RNF17: variants seen among roughly 807,000 people sequenced by gnomAD.
RNF17 encodes ring finger protein 17, also known as spermatogenesis associated 23.
Under a neutral mutation model 200.5 loss-of-function variants are expected in RNF17, and 31 were observed. The observed-to-expected ratio is 0.15, with a 90% CI of 0.12 to 0.21. The LOEUF is 0.21. Ranked by LOEUF, RNF17 falls within the 10% of genes least tolerant of loss-of-function variation. RNF17 has a pLI of 1.00. For synonymous variants in RNF17, 606 were observed against 637.8 expected, an observed-to-expected ratio of 0.95 and a Z score of 0.75; for missense variants, 1,628 against 1,905.1, an observed-to-expected ratio of 0.85 and a Z score of 2.71.
chr13:24,766,025 C>T (rs1033633474), intron 1 of RNF17, among the ~76,000 whole-genome samples: 8 of 152,144 alleles, frequency 5.3e-5, no homozygotes, highest in African/African-American at 2.4e-5. Flanking sequence ...GTCGGGAGAT[C>T]AAGACCAGCC....
chr13:24,811,114 T>C (rs1222763782), intron 15 of RNF17, among the ~76,000 whole-genome samples: 1 of 151,464 alleles, frequency 6.6e-6, no homozygotes, highest in Non-Finnish European at 1.5e-5. Context: ...CTGACAATTA[T>C]GTGTCTTGGA....
chr13:24,804,551 A>G (rs1195785165), intron 15 of RNF17, 122 bp downstream of exon 15: 2 of 651,536 alleles, frequency 3.1e-6, no homozygotes, highest in African/African-American at 1.9e-5. Flanking sequence ...TTAACCTTCT[A>G]TACGTTTAAA....
At chr13:24,887,661 A>G in the RNF17 span, among the ~76,000 whole-genome samples, 88 of 146,716 alleles carry the variant, frequency 6.0e-4, no homozygotes, top group African/African-American at 2.1e-3. Context: ...TTCATTATAC[A>G]TTACAATGTA....
At chr13:24,768,525 C>T (rs376512292) in intron 2 of RNF17, among the ~76,000 whole-genome samples, 3 of 152,124 alleles carry the variant, frequency 2.0e-5, no homozygotes, top group African/African-American at 7.2e-5. Flanking sequence ...ACCTCGTGAT[C>T]CGCCCACCTC....
At chr13:24,883,066 A>G, downstream of RNF17, 1 of 975,342 alleles carries the variant, frequency 1.0e-6, no homozygotes, top group South Asian at 1.3e-5. Context: ...TTATTTTAGA[A>G]TCTAATCTTT....
downstream of RNF17, chr13:24,883,849 C>T (rs1808123661): frequency 1.8e-6 from 2 of 1,134,806 alleles, no homozygotes; most frequent in Admixed American, 1.7e-5. Context: ...TCAAACTGAA[C>T]CCCCTAATAT....
Position 24,870,620 on chromosome 13 carries a change from A to T in RNF17, c.4328A>T (p.His1443Leu), listed in dbSNP as rs1351880064. 10 of 1,614,032 alleles carry T rather than the reference A, an allele frequency of 6.2e-6. No homozygotes were observed. Among genetic ancestry groups the T allele is most frequent in the Non-Finnish European group, 8.5e-6 (10 of 1,179,980 alleles). ...SIETSNQSNQ[H>L]SDTDDSGVSG... ...GAAACTTCTAACCAGTCTAACCAGC[A>T]TAGTGACACAGATGATAGTGGAGTC... The change falls in exon 32 of 36, where the codon CAT (histidine) becomes CTT (leucine). Residue 1443 changes from histidine (H) to leucine (L), a missense_variant. Transcript: ENST00000255324.
chr13:24,886,516 G>C, the RNF17 span: 3 of 465,756 alleles, frequency 6.4e-6, no homozygotes, highest in Admixed American at 2.4e-5. Flanking sequence ...AGAGGGATCA[G>C]TCTAGGGACT....
intron 14 of RNF17, among the ~76,000 whole-genome samples, chr13:24,803,174 A>G (rs1885460059): frequency 6.6e-6 from 1 of 152,206 alleles, no homozygotes; most frequent in Admixed American, 6.5e-5. Flanking sequence ...GGATTTCAAT[A>G]ATTATAGTTT....
At chr13:24,787,221 A>G (rs1379498497) in intron 6 of RNF17, among the ~76,000 whole-genome samples, 2 of 151,714 alleles carry the variant, frequency 1.3e-5, no homozygotes, top group Admixed American at 6.6e-5. Context: ...CCCCTAGATC[A>G]TTTTTCTGAT....
chr13:24,827,945 G>C (rs1208937776), intron 16 of RNF17, among the ~76,000 whole-genome samples: 11 of 151,964 alleles, frequency 7.2e-5, no homozygotes, highest in Non-Finnish European at 1.3e-4. Flanking sequence ...TCACATTTAT[G>C]AGGGCAGAAC....
intron 24 of RNF17, among the ~76,000 whole-genome samples, chr13:24,852,272 G>A (rs1430301159): frequency 6.6e-6 from 1 of 151,924 alleles, no homozygotes; most frequent in African/African-American, 2.4e-5. Flanking sequence ...CTGAGTAGCT[G>A]GGACTACAGG....
Position 24,793,209 on chromosome 13 carries a change from A to G in RNF17, c.1103A>G (p.Asp368Gly). The G allele has an allele frequency of 6.2e-7, 1 of 1,614,104 alleles. No individual in the cohort carries two copies. The highest frequency in any genetic ancestry group is 8.5e-7 in the Non-Finnish European group (1 of 1,179,978). Reference protein sequence around the residue: ...PPPPLQPETNDVHLEAKNFQP... With the variant: ...PPPPLQPETNGVHLEAKNFQP... ...CCTCCTTTGCAACCTGAGACAAATGATGTACATTTAGAAGCAAAAAACTTC... is the reference window on the plus strand; with the variant it reads ...CCTCCTTTGCAACCTGAGACAAATGGTGTACATTTAGAAGCAAAAAACTTC... The change falls in exon 10 of 36, where the codon GAT becomes GGT. Residue 368 changes from aspartate to glycine, a missense_variant. Coordinates refer to ENST00000255324, the MANE Select transcript of RNF17 (RefSeq NM_031277.3).
At chr13:24,856,877 T>C (rs918659182) in intron 25 of RNF17, among the ~76,000 whole-genome samples, 3 of 152,210 alleles carry the variant, frequency 2.0e-5, no homozygotes, top group Admixed American at 6.5e-5. Flanking sequence ...AATTGTGTGT[T>C]TTATTCACTG....
chr13:24,882,291 TTTTA>T (rs1260884408), downstream of RNF17: 36 of 150,812 alleles, frequency 2.4e-4, no homozygotes, highest in Admixed American at 1.9e-3. Flanking sequence ...CTTCAAAAAG[TTTTA>T]TTTTTCATAT....
At chr13:24,756,710 C>G in the RNF17 span, among the ~76,000 whole-genome samples, 1 of 152,164 alleles carries the variant, frequency 6.6e-6, no homozygotes, top group African/African-American at 2.4e-5. Flanking sequence ...TTTTATCAAC[C>G]AGATAAAAGG....
At chr13:24,827,116 G>T (rs1888754195) in intron 16 of RNF17, among the ~76,000 whole-genome samples, 1 of 151,832 alleles carries the variant, frequency 6.6e-6, no homozygotes, top group African/African-American at 2.4e-5. Context: ...ATTTTTAGTA[G>T]AGATGGGATT....
chr13:24,881,070 G>GTTGT (rs1319353555), downstream of RNF17, among the ~76,000 whole-genome samples: 2 of 151,902 alleles, frequency 1.3e-5, no homozygotes, highest in Non-Finnish European at 1.5e-5. Context: ...TCCTTGATCA[G>GTTGT]TTGTTTGTCT....
At chr13:24,784,940 C>T (rs1882904686) in intron 6 of RNF17, among the ~76,000 whole-genome samples, 1 of 152,110 alleles carries the variant, frequency 6.6e-6, no homozygotes, top group Non-Finnish European at 1.5e-5. Flanking sequence ...ATCTCCTGAC[C>T]TTGTGATCCA....
Sources: allele counts gnomAD v4.1 joint callset (sites outside exome capture counted in the v4.1 genomes callset), GRCh38; gene constraint gnomAD v4.1.1; transcripts MANE v1.5; gene names NCBI Gene and HGNC (gene_info 2026-07-23, HGNC 2026-07-21).